Variants in PPP1R12B observed in about 807,000 individuals in gnomAD.
PPP1R12B encodes myosin phosphatase target subunit 2.
PPP1R12B carries 76 observed loss-of-function variants against 126.1 expected under a neutral mutation model. The ratio of observed to expected loss-of-function variants is 0.60; its 90% CI spans 0.50 to 0.73. The LOEUF is 0.73. Ranked by LOEUF, PPP1R12B falls within the 30% of genes least tolerant of loss-of-function variation. The pLI, the probability that PPP1R12B is intolerant of heterozygous loss-of-function variation, is 0.00. For missense variants in PPP1R12B, 1,052 were observed against 1,205.1 expected, an observed-to-expected ratio of 0.87 and a Z score of 1.88; for synonymous variants, 356 against 434.7, an observed-to-expected ratio of 0.82 and a Z score of 2.25.
chr1:202,524,799 T>C (rs1292797399), intron 18 of PPP1R12B, among the ~76,000 whole-genome samples: 1 of 152,200 alleles, frequency 6.6e-6, no homozygotes, highest in Non-Finnish European at 1.5e-5. Context: ...GGTTCCAAAT[T>C]TTTGCAATTG....
intron 1 of PPP1R12B, among the ~76,000 whole-genome samples, chr1:202,415,384 TC>T (rs1667937407): frequency 6.6e-6 from 1 of 152,194 alleles, no homozygotes; most frequent in African/African-American, 2.4e-5. Flanking sequence ...GCAAGTAATA[TC>T]TTAATATTAT....
intron 4 of PPP1R12B, among the ~76,000 whole-genome samples, chr1:202,426,512 A>G (rs1052693384): frequency 1.3e-5 from 2 of 152,198 alleles, no homozygotes; most frequent in African/African-American, 4.8e-5. Flanking sequence ...TATATGGTAA[A>G]TATAGTGTCC....
chr1:202,361,569 A>G (rs1452619131), intron 1 of PPP1R12B, among the ~76,000 whole-genome samples: 5 of 152,128 alleles, frequency 3.3e-5, no homozygotes, highest in Admixed American at 3.3e-4. Context: ...CCACTTCCAA[A>G]ATTGGGGATC....
rs1686327147 is a variant in PPP1R12B at position 202,551,580 on chromosome 1, C to G, written c.2491-7297C>G. Among the ~76,000 whole-genome samples the G allele has an allele frequency of 4.2e-5, 5 of 119,046 alleles. No individual in the cohort carries two copies. In the South Asian group the frequency reaches 1.8e-3, roughly 43 times the overall value. 78.1% of individuals were successfully genotyped at this position (119,046 alleles called of 152,430 possible). The stretch of plus-strand genomic sequence containing the variant: ...TAGTTGGAATTTCTAAAATGCCTCC[C>G]CAAAAGTCCTCACCTGATCTGTAGA... On this transcript the variant is annotated intron_variant, in intron 18 of 23. Coordinates refer to ENST00000608999, the MANE Select transcript of PPP1R12B (RefSeq NM_002481.4).
chr1:202,436,763 C>A (rs1330012570), intron 9 of PPP1R12B, among the ~76,000 whole-genome samples: 1 of 151,562 alleles, frequency 6.6e-6, no homozygotes, highest in Non-Finnish European at 1.5e-5. Flanking sequence ...ATGAGTTGTT[C>A]AAAAAGAAAA....
chr1:202,415,086 C>T (rs1667896550), intron 1 of PPP1R12B, among the ~76,000 whole-genome samples: 1 of 152,108 alleles, frequency 6.6e-6, no homozygotes, highest in African/African-American at 2.4e-5. Context: ...GCCCGAGGTG[C>T]TTTTTCCTAG....
chr1:202,372,863 T>C (rs1469571374), intron 1 of PPP1R12B, among the ~76,000 whole-genome samples: 1 of 152,194 alleles, frequency 6.6e-6, no homozygotes, highest in African/African-American at 2.4e-5. Context: ...ATTTTCTTAC[T>C]GAACTATGTT....
chr1:202,502,238 A>G, intron 18 of PPP1R12B: 1 of 984,570 alleles, frequency 1.0e-6, no homozygotes, highest in Non-Finnish European at 1.2e-6. Context: ...GAGTTACTAA[A>G]TTATAGATAT....
At chr1:202,573,257 G>T (rs1688777008) in intron 23 of PPP1R12B, among the ~76,000 whole-genome samples, 3 of 152,148 alleles carry the variant, frequency 2.0e-5, no homozygotes, top group African/African-American at 7.2e-5. Context: ...GGGCAAGGAA[G>T]ATTGCCCGGT....
intron 1 of PPP1R12B, among the ~76,000 whole-genome samples, chr1:202,410,827 G>A (rs1667286025): frequency 6.6e-6 from 1 of 152,152 alleles, no homozygotes; most frequent in Admixed American, 6.5e-5. Context: ...ATTTCTTAAG[G>A]AGCTTAGAAC....
At chr1:202,390,611 A>G (rs972121847) in intron 1 of PPP1R12B, among the ~76,000 whole-genome samples, 8 of 151,526 alleles carry the variant, frequency 5.3e-5, no homozygotes, top group Non-Finnish European at 1.0e-4. Context: ...TGATCTTCCA[A>G]CCTTAACCTC....
In PPP1R12B at chr1:202,449,981, C is replaced by T. The variant is rs115979948; in HGVS notation, c.1850+810C>T. 6.7e-3 allele frequency among the ~76,000 whole-genome samples: 1,013 copies of T among 152,292 alleles called. 10 individuals carry two copies. Among genetic ancestry groups the T allele is most frequent in the African/African-American group, 0.023 (969 of 41,554 alleles). ...GATTACAGGCGTGAGCCACCGCTCC[C>T]GGCTGTCGTTATGGATTTAAGCATA... On this transcript the variant is annotated intron_variant, in intron 13 of 23. Transcript: ENST00000608999.
At chr1:202,473,417 G>C (rs1676196878) in intron 13 of PPP1R12B, among the ~76,000 whole-genome samples, 1 of 152,192 alleles carries the variant, frequency 6.6e-6, no homozygotes, top group African/African-American at 2.4e-5. Context: ...CTTCACAGCT[G>C]TTGGCATTTG....
At chr1:202,561,925 T>A (rs1687576017) in intron 19 of PPP1R12B, among the ~76,000 whole-genome samples, 2 of 152,178 alleles carry the variant, frequency 1.3e-5, no homozygotes, top group Admixed American at 6.5e-5. Flanking sequence ...ATTTTCACAG[T>A]TGTGACTCTT....
chr1:202,365,668 A>G (rs1659093085), intron 1 of PPP1R12B, among the ~76,000 whole-genome samples: 1 of 152,104 alleles, frequency 6.6e-6, no homozygotes, highest in African/African-American at 2.4e-5. Context: ...TCTTCTACCT[A>G]GGTTGTGCTG....
At chr1:202,527,329 T>C (rs1199618986) in intron 18 of PPP1R12B, 2 of 152,144 alleles carry the variant, frequency 1.3e-5, no homozygotes, top group African/African-American at 4.8e-5. Flanking sequence ...CAAGGTCCCT[T>C]AAAGCAACAC....
rs922570804 is a variant in PPP1R12B, at chr1:202,419,506, C to CTT, written c.422+2598_422+2599dup. ...AAAGTAAAACTAAAGAGGTTTTTAA[C>CTT]TTTTTTTTTTCCTAGAACTGGAGAA... On this transcript the variant is annotated intron_variant, in intron 2 of 23. Transcript: ENST00000608999. This position sits in a 1 kb window ranked among gnomAD's most constrained non-coding sequence, Gnocchi z 4.6. 5.3e-5 allele frequency among the ~76,000 whole-genome samples: 8 copies of CTT among 151,200 alleles called. No homozygotes were observed. The highest frequency in any genetic ancestry group is 3.3e-4 in the Admixed American group (5 of 15,212).
At chr1:202,453,971 T>G (rs1235837723) in intron 13 of PPP1R12B, among the ~76,000 whole-genome samples, 1 of 152,170 alleles carries the variant, frequency 6.6e-6, no homozygotes, top group Non-Finnish European at 1.5e-5. Context: ...CAAATGTAAT[T>G]TAGATACTAT....
intron 18 of PPP1R12B, among the ~76,000 whole-genome samples, chr1:202,555,327 A>G (rs1686789458): frequency 3.6e-5 from 2 of 55,514 alleles, no homozygotes; most frequent in Non-Finnish European, 9.2e-5. Context: ...GTTTTAATGA[A>G]AAAAAAAAAA....
Sources: gnomAD v4.1 joint callset for allele counts (sites outside exome capture counted in the v4.1 genomes callset) on GRCh38, gnomAD v4.1.1 for gene constraint, Gnocchi (gnomAD v3.1) non-coding constraint, MANE v1.5 for transcripts, NCBI Gene and HGNC (gene_info 2026-07-23, HGNC 2026-07-21) for gene names.